STIM1: variants seen among roughly 807,000 people sequenced by gnomAD.
STIM1 encodes the protein stromal interaction molecule 1.
Under a neutral mutation model 74.7 loss-of-function variants are expected in STIM1, and 25 were observed. That is an observed-to-expected ratio of 0.33 (90% CI 0.24 to 0.47). STIM1 has a LOEUF of 0.47. STIM1 is among the 20% of genes least tolerant of loss of function. The probability of loss-of-function intolerance (pLI) is 1.00; values close to 1 mark genes in which losing one functional copy is unlikely to be tolerated. For synonymous variants in STIM1, 328 were observed against 348.8 expected, an observed-to-expected ratio of 0.94 and a Z score of 0.66; for missense variants, 728 against 920.8, an observed-to-expected ratio of 0.79 and a Z score of 2.71.
At chr11:3,930,536 A>G (rs769337335) in intron 1 of STIM1, among the ~76,000 whole-genome samples, 112 of 152,310 alleles carry the variant, frequency 7.4e-4, no homozygotes, top group Middle Eastern at 3.4e-3. Context: ...GTGGGCAACA[A>G]AGGGAGCTCA....
intron 2 of STIM1, among the ~76,000 whole-genome samples, chr11:3,985,108 C>T (rs373253995): frequency 1.3e-5 from 2 of 152,166 alleles, no homozygotes; most frequent in African/African-American, 2.4e-5. Context: ...GCAGCTCCCC[C>T]AGATGGTACC....
intron 2 of STIM1, among the ~76,000 whole-genome samples, chr11:4,005,666 A>C (rs1470588386): frequency 6.6e-6 from 1 of 152,160 alleles, no homozygotes; most frequent in Non-Finnish European, 1.5e-5. Flanking sequence ...CCAGCATGGC[A>C]CATGTATACA....
chr11:3,872,329 A>G (rs1293839784), intron 1 of STIM1, among the ~76,000 whole-genome samples: 1 of 152,168 alleles, frequency 6.6e-6, no homozygotes, highest in Non-Finnish European at 1.5e-5. Context: ...CTGGGATTAC[A>G]GACGTGATCC....
At chr11:4,028,414 C>T (rs1318549407) in intron 3 of STIM1, among the ~76,000 whole-genome samples, 12 of 137,258 alleles carry the variant, frequency 8.7e-5, no homozygotes, top group Admixed American at 2.2e-4. Context: ...TTTTTCTTTT[C>T]TTTTTTTTTT....
intron 1 of STIM1, among the ~76,000 whole-genome samples, chr11:3,957,812 T>C (rs958206135): frequency 7.2e-5 from 11 of 152,108 alleles, no homozygotes; most frequent in African/African-American, 2.7e-4. Context: ...GTGATCTTCC[T>C]ACCTTGGCCC....
chr11:4,033,869 G>T (rs1268842488), intron 3 of STIM1, among the ~76,000 whole-genome samples: 1 of 151,926 alleles, frequency 6.6e-6, no homozygotes, highest in African/African-American at 2.4e-5. Flanking sequence ...AAAGTGCCAG[G>T]ATTACAGGCG....
chr11:4,051,322 C>G (rs1024434021), intron 3 of STIM1, among the ~76,000 whole-genome samples: 2 of 150,904 alleles, frequency 1.3e-5, no homozygotes, highest in African/African-American at 4.9e-5. Context: ...AATATAGAAT[C>G]AAAACACTTT....
chr11:3,941,634 G>A (rs976521376), intron 1 of STIM1, among the ~76,000 whole-genome samples: 3 of 145,554 alleles, frequency 2.1e-5, no homozygotes, highest in African/African-American at 7.7e-5. Flanking sequence ...TATATATAGA[G>A]AGATAGTGTG....
chr11:4,052,611 G>C (rs888284567), intron 3 of STIM1, among the ~76,000 whole-genome samples: 25 of 152,198 alleles, frequency 1.6e-4, no homozygotes, highest in African/African-American at 6.0e-4. Flanking sequence ...AAACTTACAT[G>C]TTAGACCTAA....
At chr11:3,862,425 G>A (rs1388895210) in intron 1 of STIM1, among the ~76,000 whole-genome samples, 1 of 152,130 alleles carries the variant, frequency 6.6e-6, no homozygotes, top group African/African-American at 2.4e-5. Context: ...GAGAAGCCTT[G>A]TAGAATGCTC....
intron 3 of STIM1, among the ~76,000 whole-genome samples, chr11:4,043,503 C>A (rs2094164787): frequency 6.6e-6 from 1 of 152,104 alleles, no homozygotes; most frequent in Admixed American, 6.5e-5. Flanking sequence ...GGATGGACAA[C>A]AAGTGATCCA....
chr11:4,028,478 G>T (rs774854086), intron 3 of STIM1, among the ~76,000 whole-genome samples: 1 of 144,634 alleles, frequency 6.9e-6, no homozygotes, highest in Non-Finnish European at 1.5e-5. Flanking sequence ...GAATGTTCTC[G>T]GCTCACTGCA....
rs147087993 is a variant in STIM1 at position 3,976,832 on chromosome 11, T to C, written c.270+9150T>C. 1.7e-3 allele frequency among the ~76,000 whole-genome samples: 250 copies of C among 151,154 alleles called. 2 individuals are homozygous for C. In the Middle Eastern group the frequency reaches 0.021, roughly 13 times the overall value. On this transcript the variant is annotated intron_variant, in intron 2 of 12. Coordinates refer to ENST00000526596, the MANE Select transcript of STIM1 (RefSeq NM_001382567.1). ...TTTTTGGAGATGGAGTCTCACTCTG[T>C]CACCCAGAATGGAGTGCAGTGGTAC...
chr11:3,960,709 A>G (rs769092154), intron 1 of STIM1, among the ~76,000 whole-genome samples: 11 of 152,220 alleles, frequency 7.2e-5, no homozygotes, highest in Non-Finnish European at 1.5e-4. Context: ...TCTGACTAGT[A>G]AAATATTCCT....
chr11:4,091,711 T>C lies in STIM1; in HGVS notation c.2064T>C (p.Asp688=), dbSNP rs1201998065. The change falls in exon 13 of 13, where the codon GAT becomes GAC. Residue 688 remains aspartate (D), a synonymous_variant. Transcript: ENST00000526596. ...LAGKKAVAEE[D]NGSIGEETDS... is the part of the protein sequence containing the mutation. ...GCAAGAAGGCTGTGGCTGAGGAGGA[T>C]AATGGCTCTATTGGCGAGGAAACAG... The C allele has an allele frequency of 2.5e-6, 4 of 1,614,128 alleles. No homozygotes were observed. Among genetic ancestry groups the C allele is most frequent in the Non-Finnish European group, 3.4e-6 (4 of 1,180,038 alleles).
chr11:3,993,066 A>G (rs867853391), intron 2 of STIM1, among the ~76,000 whole-genome samples: 1,199 of 74,424 alleles, frequency 0.016, 12 homozygotes, highest in African/African-American at 0.041. Context: ...AGCTTTTTTG[A>G]AAAAAAAAAA....
intron 1 of STIM1, among the ~76,000 whole-genome samples, chr11:3,890,547 C>G (rs2091862055): frequency 6.6e-6 from 1 of 152,020 alleles, no homozygotes; most frequent in South Asian, 2.1e-4. Context: ...GTTTTAAGCT[C>G]AAAAGGATAT....
intron 1 of STIM1, among the ~76,000 whole-genome samples, 156 bp from the exon 2 acceptor site, chr11:3,967,396 T>TA (rs1307167163): frequency 2.0e-5 from 3 of 152,150 alleles, no homozygotes. Flanking sequence ...GGGAGACAGT[T>TA]ACAGTCTAGA....
At chr11:4,023,593 AGTTAACT>A (rs1181409531) in intron 2 of STIM1, among the ~76,000 whole-genome samples, 1 of 152,192 alleles carries the variant, frequency 6.6e-6, no homozygotes, top group Non-Finnish European at 1.5e-5. Flanking sequence ...ATTGATTTTC[AGTTAACT>A]GTCATGTATT....
Sources: gnomAD v4.1 joint callset for allele counts (sites outside exome capture counted in the v4.1 genomes callset) on GRCh38, gnomAD v4.1.1 for gene constraint, MANE v1.5 for transcripts, NCBI Gene and HGNC (gene_info 2026-07-23, HGNC 2026-07-21) for gene names.